The following KIAA0513 variants were observed in gnomAD, a reference collection of about 807,000 sequenced individuals.
KIAA0513 encodes uncharacterized protein KIAA0513.
Under a neutral mutation model 56.5 loss-of-function variants are expected in KIAA0513, and 39 were observed. The ratio of observed to expected loss-of-function variants is 0.69; its 90% CI spans 0.53 to 0.90. KIAA0513 has a LOEUF of 0.90. KIAA0513 is among the 40% of genes least tolerant of loss of function. The pLI is 0.00. For synonymous variants in KIAA0513, 268 were observed against 215.6 expected (o/e 1.24, Z -2.13); for missense variants, 591 against 535.2 (o/e 1.10, Z -1.03).
rs2073652512 is a variant in KIAA0513 at position 85,076,111 on chromosome 16, G to A, written c.574+197G>A. ...TGGGGCAGGAGGTTGACTGCCCAGG[G>A]TACGAAGGAAACTCTCCTGGGGCAG... On this transcript the variant is annotated intron_variant, in intron 5 of 12. Transcript: ENST00000683363. This position sits in a 1 kb window ranked among gnomAD's most constrained non-coding sequence, Gnocchi z 4.7. Among the ~76,000 whole-genome samples, 2 of 150,968 alleles carry A rather than the reference G, an allele frequency of 1.3e-5. No individual in the cohort carries two copies. The highest frequency in any genetic ancestry group is 2.5e-5 in the African/African-American group (1 of 40,282).
chr16:85,029,601 G>T (rs1349550277), intron 1 of KIAA0513, among the ~76,000 whole-genome samples: 2 of 152,192 alleles, frequency 1.3e-5, no homozygotes, highest in African/African-American at 4.8e-5. Context: ...AGGAAGGGGT[G>T]GGATGAGTCA....
intron 1 of KIAA0513, among the ~76,000 whole-genome samples, chr16:85,052,776 C>T (rs1254050380): frequency 1.3e-5 from 2 of 152,186 alleles, no homozygotes; most frequent in South Asian, 2.1e-4. Context: ...AAGGTCGGTT[C>T]AGAGTTTGCT....
At chr16:85,070,006 A>C (rs1243471134) in intron 2 of KIAA0513, among the ~76,000 whole-genome samples, 1 of 151,646 alleles carries the variant, frequency 6.6e-6, no homozygotes, top group Non-Finnish European at 1.5e-5. Flanking sequence ...CTCTACAAAA[A>C]AAAAAACCAC....
At chr16:85,078,394 A>G (rs757491280) in intron 6 of KIAA0513, 21 bp from the exon 7 acceptor site, 2 of 1,613,928 alleles carry the variant, frequency 1.2e-6, no homozygotes, top group Non-Finnish European at 1.7e-6. Flanking sequence ...GTGTGTCATC[A>G]TTGTGCCTTC....
At chr16:85,054,173 C>T (rs964233055) in intron 1 of KIAA0513, among the ~76,000 whole-genome samples, 1 of 151,916 alleles carries the variant, frequency 6.6e-6, no homozygotes, top group African/African-American at 2.4e-5. Context: ...TAAGATTAAA[C>T]ACTGCCGTTT....
At chr16:85,078,226 C>T (rs1356205657) in intron 6 of KIAA0513, among the ~76,000 whole-genome samples, 189 bp from the exon 7 acceptor site, 1 of 152,220 alleles carries the variant, frequency 6.6e-6, no homozygotes, top group African/African-American at 2.4e-5. Flanking sequence ...AAAGAAACCT[C>T]AATGCCACAT....
chr16:85,039,992 G>A (rs897154891), intron 1 of KIAA0513, among the ~76,000 whole-genome samples: 8 of 151,256 alleles, frequency 5.3e-5, no homozygotes, highest in Non-Finnish European at 1.0e-4. Flanking sequence ...GTGCCACCGC[G>A]CCTGGCTAAT....
At chr16:85,072,424 A>G (rs1220103416) in intron 3 of KIAA0513, among the ~76,000 whole-genome samples, 3 of 152,232 alleles carry the variant, frequency 2.0e-5, no homozygotes, top group African/African-American at 4.8e-5. Context: ...TGTGAAGAAA[A>G]TATATTAACA....
At chr16:85,028,492 G>T (rs2072919477) in intron 1 of KIAA0513, among the ~76,000 whole-genome samples, 1 of 152,148 alleles carries the variant, frequency 6.6e-6, no homozygotes, top group African/African-American at 2.4e-5. Flanking sequence ...AGGATTGCAG[G>T]GAGGATAGCA....
rs542190714 is a variant in KIAA0513 at position 85,046,420 on chromosome 16, C to T, written c.-173+18562C>T. ...CTAAATTCTCCCACCTCCTTTCCCA[C>T]ATAACCTGATGCTCAGCCTACTGCT... On this transcript the variant is annotated intron_variant, in intron 1 of 12. Transcript: ENST00000683363. Among the ~76,000 whole-genome samples the T allele has an allele frequency of 5.9e-5, 9 of 152,370 alleles. No homozygotes were observed. In the South Asian group the frequency reaches 6.2e-4, roughly 11 times the overall value.
chr16:85,070,111 C>T (rs570226154), intron 2 of KIAA0513, among the ~76,000 whole-genome samples: 1 of 150,054 alleles, frequency 6.7e-6, no homozygotes, highest in Admixed American at 6.7e-5. Context: ...GCTTAGGTTG[C>T]AGTGAACCGT....
intron 1 of KIAA0513, among the ~76,000 whole-genome samples, chr16:85,028,393 G>A (rs575716149): frequency 6.1e-4 from 93 of 152,326 alleles, no homozygotes; most frequent in African/African-American, 2.2e-3. Context: ...CAGGGTGGGG[G>A]TGAGAGAAAG....
intron 1 of KIAA0513, among the ~76,000 whole-genome samples, chr16:85,052,967 T>C (rs1209057232): frequency 6.6e-6 from 1 of 152,168 alleles, no homozygotes; most frequent in African/African-American, 2.4e-5. Flanking sequence ...CTCGGCTCAC[T>C]GCAACCTCCT....
intron 1 of KIAA0513, among the ~76,000 whole-genome samples, chr16:85,040,189 T>G (rs894472733): frequency 3.3e-5 from 5 of 152,350 alleles, no homozygotes; most frequent in African/African-American, 1.2e-4. Context: ...TTGAAGCTAT[T>G]GCTTGGAGTT....
At chr16:85,071,397 C>G (rs893050539) in intron 2 of KIAA0513, among the ~76,000 whole-genome samples, 4 of 152,202 alleles carry the variant, frequency 2.6e-5, no homozygotes, top group African/African-American at 7.2e-5. Context: ...ACTTCAGCAT[C>G]AAAAACTAGT....
At chr16:85,032,558 C>G (rs1027170158) in intron 1 of KIAA0513, among the ~76,000 whole-genome samples, 1 of 152,048 alleles carries the variant, frequency 6.6e-6, no homozygotes, top group Non-Finnish European at 1.5e-5. Flanking sequence ...GTCTCAAGTT[C>G]CTGACCTCAA....
rs1401935606 is a variant in KIAA0513 at position 85,067,080 on chromosome 16, C to T, written c.9C>T (p.Thr3=). 1.9e-6 allele frequency: 3 copies of T among 1,577,490 alleles called. No homozygotes were observed. The highest frequency in any genetic ancestry group is 3.4e-5 in the Admixed American group (2 of 58,360). Residue 3 remains threonine (T), a synonymous_variant, in exon 2 of 13, where the codon ACC becomes ACT. Transcript: ENST00000683363. ME[T]PEVPVGSLID... ...AGCAGCTCCCCTGAGCCATGGAGAC[C>T]CCAGAGGTCCCCGTGGGCTCGCTAA...
intron 1 of KIAA0513, chr16:85,063,548 G>C (rs1334151144): frequency 6.6e-6 from 1 of 152,382 alleles, no homozygotes; most frequent in Non-Finnish European, 1.5e-5. Flanking sequence ...TTACAGGCGT[G>C]AGCCACTGCC....
At chr16:85,028,014 C>T (rs1233609863) in intron 1 of KIAA0513, among the ~76,000 whole-genome samples, 156 bp downstream of exon 1, 8 of 150,132 alleles carry the variant, frequency 5.3e-5, no homozygotes, top group Admixed American at 4.6e-4. Context: ...GTCCGCGGGG[C>T]GAGCGGGGGC....
Sources: allele counts gnomAD v4.1 joint callset (sites outside exome capture counted in the v4.1 genomes callset), GRCh38; gene constraint gnomAD v4.1.1; non-coding constraint Gnocchi (gnomAD v3.1); transcripts MANE v1.5; gene names NCBI Gene and HGNC (gene_info 2026-07-23, HGNC 2026-07-21).